Variants in PDE4D observed in about 807,000 individuals in gnomAD.
PDE4D encodes the protein 3',5'-cyclic-AMP phosphodiesterase 4D.
PDE4D carries 24 observed loss-of-function variants against 87.4 expected under a neutral mutation model. That is an observed-to-expected ratio of 0.27 (90% CI 0.20 to 0.39). The LOEUF is 0.39. Among genes scored for constraint, PDE4D ranks in the 10% least tolerant of loss-of-function variants. PDE4D has a pLI of 1.00. For missense variants in PDE4D, 714 were observed against 1,041.0 expected (o/e 0.69, Z 4.32); for synonymous variants, 384 against 383.2 (o/e 1.00, Z -0.02).
At chr5:59,669,783 C>T (rs1053481466) in intron 1 of PDE4D, among the ~76,000 whole-genome samples, 1 of 152,126 alleles carries the variant, frequency 6.6e-6, no homozygotes, top group African/African-American at 2.4e-5. Context: ...AGACACCCCC[C>T]CCAATAGTCC....
chr5:59,650,275 A>G (rs987961427), intron 1 of PDE4D, among the ~76,000 whole-genome samples: 1 of 152,162 alleles, frequency 6.6e-6, no homozygotes, highest in Non-Finnish European at 1.5e-5. Context: ...TAGTAAATCT[A>G]ATGTTTATGG....
At chr5:59,548,317 C>A (rs1412446439) in intron 1 of PDE4D, among the ~76,000 whole-genome samples, 1 of 152,180 alleles carries the variant, frequency 6.6e-6, no homozygotes, top group Non-Finnish European at 1.5e-5. Context: ...CTTACTTACT[C>A]TTTGCTATCT....
At chr5:60,351,781 TTTTA>T (rs144196649) in intron 1 of PDE4D, among the ~76,000 whole-genome samples, 2,993 of 147,184 alleles carry the variant, frequency 0.02, 98 homozygotes, top group African/African-American at 0.069. Context: ...CACCTAATTA[TTTTA>T]TTTATTTATT....
At chr5:59,438,564 G>C (rs144426661) in intron 1 of PDE4D, among the ~76,000 whole-genome samples, 164 of 152,258 alleles carry the variant, frequency 1.1e-3, no homozygotes, top group African/African-American at 3.6e-3. Context: ...ATAGTATACA[G>C]CTATTGCCCT....
At chr5:59,414,238 G>A (rs1213013281) in intron 1 of PDE4D, among the ~76,000 whole-genome samples, 1 of 152,186 alleles carries the variant, frequency 6.6e-6, no homozygotes, top group Non-Finnish European at 1.5e-5. Context: ...TCAAAGATAT[G>A]GAATGTGAAC....
chr5:60,424,559 A>G (rs1743477352), intron 1 of PDE4D, among the ~76,000 whole-genome samples: 1 of 152,194 alleles, frequency 6.6e-6, no homozygotes. Context: ...ATTTTTGACA[A>G]ACCCACAGCC....
At chr5:59,964,634 C>T (rs1028248296) in intron 3 of PDE4D, among the ~76,000 whole-genome samples, 7 of 152,134 alleles carry the variant, frequency 4.6e-5, no homozygotes, top group African/African-American at 1.7e-4. Context: ...GATCATTTCT[C>T]TTCTCCCCAC....
chr5:59,300,125 A>AT (rs1377424618), intron 1 of PDE4D, among the ~76,000 whole-genome samples: 1 of 151,304 alleles, frequency 6.6e-6, no homozygotes, highest in African/African-American at 2.4e-5. Flanking sequence ...AAAAAAAAAA[A>AT]AAAAAAAAAA....
rs1051057054 is a variant in PDE4D, at chr5:59,446,805, C to T, written c.456-230837G>A. ...CCAGTCTTTCTGCCTCTTTTCTCTT[C>T]GGTTCATGTGTGTTTTTAAAATAGT... is the stretch of plus-strand genomic sequence containing the variant. On this transcript the variant is annotated intron_variant, in intron 1 of 14. Transcript: ENST00000340635. Among the ~76,000 whole-genome samples, 29 of 152,170 alleles carry T rather than the reference C, an allele frequency of 1.9e-4. 1 individual carries two copies. Among genetic ancestry groups the T allele is most frequent in the African/African-American group, 5.1e-4 (21 of 41,448 alleles).
intron 3 of PDE4D, among the ~76,000 whole-genome samples, chr5:59,980,846 G>T (rs1244344256): frequency 1.3e-5 from 2 of 152,168 alleles, no homozygotes; most frequent in African/African-American, 4.8e-5. Context: ...TTTTTACATT[G>T]CTTATTTTAG....
At chr5:59,558,982 CT>C (rs1819464805) in intron 1 of PDE4D, among the ~76,000 whole-genome samples, 1 of 151,830 alleles carries the variant, frequency 6.6e-6, no homozygotes, top group Admixed American at 6.6e-5. Flanking sequence ...CTAGACACTT[CT>C]TGAAAAAAAA....
At chr5:59,564,230 C>T (rs1464609391) in intron 1 of PDE4D, among the ~76,000 whole-genome samples, 1 of 152,128 alleles carries the variant, frequency 6.6e-6, no homozygotes, top group Non-Finnish European at 1.5e-5. Flanking sequence ...ACAAGGTACA[C>T]ATTTAATATG....
At chr5:60,185,582 C>T (rs1784714664) in exon 2 of PDE4D, 14 of 1,530,074 alleles carry the variant, frequency 9.1e-6, no homozygotes, top group Admixed American at 2.0e-5. Flanking sequence ...AAGCAAATCA[C>T]AGGTATTTCT....
chr5:60,420,386 C>G (rs1742983579), intron 1 of PDE4D, among the ~76,000 whole-genome samples: 1 of 152,186 alleles, frequency 6.6e-6, no homozygotes, highest in African/African-American at 2.4e-5. Flanking sequence ...CCTGGGATTT[C>G]TCAAAGATTT....
chr5:59,640,620 C>T (rs1237357904), intron 1 of PDE4D, among the ~76,000 whole-genome samples: 3 of 152,214 alleles, frequency 2.0e-5, no homozygotes, highest in Admixed American at 6.5e-5. Context: ...TCAACCCTGG[C>T]TGACTCACAG....
At chr5:59,129,597 G>A (rs969863301) in intron 5 of PDE4D, among the ~76,000 whole-genome samples, 2 of 152,022 alleles carry the variant, frequency 1.3e-5, no homozygotes, top group South Asian at 2.1e-4. Context: ...GTTAATATTC[G>A]ATTATATAAA....
At chr5:60,471,553 T>C (rs1469722939) in intron 1 of PDE4D, among the ~76,000 whole-genome samples, 2 of 152,170 alleles carry the variant, frequency 1.3e-5, no homozygotes, top group Non-Finnish European at 1.5e-5. Flanking sequence ...CAAATTTCAT[T>C]GTTGTCTTAT....
intron 1 of PDE4D, among the ~76,000 whole-genome samples, chr5:59,588,478 T>C (rs1475167879): frequency 6.6e-6 from 1 of 152,214 alleles, no homozygotes; most frequent in Non-Finnish European, 1.5e-5. Flanking sequence ...AATTGCTTGA[T>C]ATTAAATGGA....
intron 1 of PDE4D, among the ~76,000 whole-genome samples, chr5:60,304,651 CAAAAAAAA>C (rs70975379): frequency 8.3e-5 from 5 of 60,086 alleles, no homozygotes; most frequent in Admixed American, 3.6e-4. Flanking sequence ...GACTCCGTCT[CAAAAAAAA>C]AAAAAAAAAA....
Sources: gnomAD v4.1 joint callset for allele counts (sites outside exome capture counted in the v4.1 genomes callset) on GRCh38, gnomAD v4.1.1 for gene constraint, MANE v1.5 for transcripts, NCBI Gene and HGNC (gene_info 2026-07-23, HGNC 2026-07-21) for gene names.